Variants in DNAH14 observed in about 807,000 individuals in gnomAD.
DNAH14 encodes dynein axonemal heavy chain 14.
A neutral mutation model predicts 520.9 loss-of-function variants in DNAH14; 478 were observed. The observed-to-expected ratio is 0.92, with a 90% CI of 0.85 to 0.99. The LOEUF is 0.99. DNAH14 is among the 50% of genes least tolerant of loss of function. The pLI is 0.00. For synonymous variants in DNAH14, 1,581 were observed against 1,757.2 expected (o/e 0.90, Z 2.51); for missense variants, 4,831 against 5,234.5 (o/e 0.92, Z 2.38).
At chr1:225,257,922 C>T in intron 44 of DNAH14, 38 bp from the exon 45 acceptor site, 1 of 1,432,180 alleles carries the variant, frequency 7.0e-7, no homozygotes. Flanking sequence ...ATAGTACTTT[C>T]TAGGTCATTT....
intron 81 of DNAH14, among the ~76,000 whole-genome samples, chr1:225,387,188 G>A (rs558703195): frequency 6.6e-6 from 1 of 151,948 alleles, no homozygotes; most frequent in South Asian, 2.1e-4. Flanking sequence ...ACTGAACAAT[G>A]AGAACACTTG....
intron 49 of DNAH14, 53 bp from the exon 50 acceptor site, chr1:225,270,682 C>G: frequency 2.0e-6 from 3 of 1,499,494 alleles, no homozygotes; most frequent in Non-Finnish European, 2.7e-6. Context: ...TAGGTACATA[C>G]TTCACTTCCT....
intron 79 of DNAH14, 91 bp from the exon 80 acceptor site, chr1:225,380,064 CCTGT>C (rs1234869951): frequency 7.6e-7 from 1 of 1,318,516 alleles, no homozygotes; most frequent in Non-Finnish European, 1.0e-6. Flanking sequence ...ACATATTCCT[CCTGT>C]CTACCAGTAA....
At chr1:224,977,150 A>C (rs1435156237) in intron 8 of DNAH14, among the ~76,000 whole-genome samples, 1 of 152,094 alleles carries the variant, frequency 6.6e-6, no homozygotes, top group Non-Finnish European at 1.5e-5. Flanking sequence ...ATGGAATACT[A>C]TGCAGCCATA....
At chr1:225,151,047 C>T (rs764353367) in intron 31 of DNAH14, among the ~76,000 whole-genome samples, 2 of 152,122 alleles carry the variant, frequency 1.3e-5, no homozygotes, top group Non-Finnish European at 2.9e-5. Context: ...GGCCACATAC[C>T]TGAAGAGCCC....
chr1:225,208,252 C>A (rs546914998), intron 41 of DNAH14, among the ~76,000 whole-genome samples: 15 of 151,564 alleles, frequency 9.9e-5, no homozygotes, highest in African/African-American at 3.6e-4. Flanking sequence ...GAAGTGTAAC[C>A]CAGGAAAGTT....
At chr1:225,333,947 C>A (rs1240383147) in intron 66 of DNAH14, among the ~76,000 whole-genome samples, 1 of 152,126 alleles carries the variant, frequency 6.6e-6, no homozygotes, top group Non-Finnish European at 1.5e-5. Flanking sequence ...AAGAGAAATG[C>A]ACCTAGCTTT....
rs1482041705 is a variant in DNAH14, at chr1:225,331,448, T to C, written c.9735T>C (p.His3245=). The C allele has an allele frequency of 1.3e-6, 2 of 1,550,620 alleles. No individual in the cohort carries two copies. The highest frequency in any genetic ancestry group is 1.7e-6 in the Non-Finnish European group (2 of 1,146,582). ...KQRGLQLVEE[H]LLFLQAAYKD... is the part of the protein sequence containing the mutation. ...TAATTATCTTTCAGGTTGAAGAACA[T>C]TTGCTGTTTTTACAGGCAGCTTACA... The change falls in exon 65 of 86, where the codon CAT becomes CAC. Residue 3245 remains histidine, a synonymous_variant. Coordinates refer to ENST00000682510, the MANE Select transcript of DNAH14 (RefSeq NM_001367479.1).
intron 29 of DNAH14, 65 bp from the exon 30 acceptor site, chr1:225,145,261 C>T (rs916462987): frequency 1.5e-5 from 19 of 1,255,374 alleles, no homozygotes; most frequent in Non-Finnish European, 2.0e-5. Flanking sequence ...ATTACTCTAG[C>T]AGTTTTAACA....
At chr1:225,055,626 G>A (rs981048719) in intron 17 of DNAH14, among the ~76,000 whole-genome samples, 1 of 151,906 alleles carries the variant, frequency 6.6e-6, no homozygotes, top group Non-Finnish European at 1.5e-5. Context: ...ATGTTGGTGT[G>A]CTGCACCCAT....
intron 54 of DNAH14, among the ~76,000 whole-genome samples, chr1:225,288,872 A>G (rs1025454569): frequency 1.3e-5 from 2 of 152,162 alleles, no homozygotes; most frequent in Non-Finnish European, 2.9e-5. Flanking sequence ...GGAATGTAAA[A>G]TAGTACAACT....
At chr1:225,395,118 T>C (rs2095988351) in intron 84 of DNAH14, among the ~76,000 whole-genome samples, 1 of 152,156 alleles carries the variant, frequency 6.6e-6, no homozygotes, top group South Asian at 2.1e-4. Flanking sequence ...ATTCCTATAT[T>C]AGGAATTTTT....
chr1:225,285,281 G>C (rs1384389964), intron 54 of DNAH14, among the ~76,000 whole-genome samples: 1 of 152,216 alleles, frequency 6.6e-6, no homozygotes, highest in African/African-American at 2.4e-5. Flanking sequence ...AGGCATGGTG[G>C]CTCATGCCTG....
rs548466526 is a variant in DNAH14, at chr1:225,358,919, C to T, written c.11776+267C>T. ...CACCCTGCAAAGAAGGTGCCTGCTTCTCCTTTGCCTTCTGCCATGATTGTA... is the reference window on the plus strand; with the variant it reads ...CACCCTGCAAAGAAGGTGCCTGCTTTTCCTTTGCCTTCTGCCATGATTGTA... On this transcript the variant is annotated intron_variant, in intron 74 of 85. Transcript: ENST00000682510. 5.9e-5 allele frequency among the ~76,000 whole-genome samples: 9 copies of T among 152,332 alleles called. No individual in the cohort carries two copies. The East Asian group carries it at 1.7e-3, about 29-fold the overall frequency.
intron 5 of DNAH14, among the ~76,000 whole-genome samples, 194 bp downstream of exon 5, chr1:224,964,803 G>A (rs12023087): frequency 0.33 from 50,723 of 151,894 alleles, 10,099 homozygotes; most frequent in East Asian, 0.54. Flanking sequence ...AATAGATAAA[G>A]CATATAAACT....
intron 43 of DNAH14, among the ~76,000 whole-genome samples, chr1:225,249,916 G>A (rs2092468245): frequency 6.6e-6 from 1 of 152,128 alleles, no homozygotes; most frequent in Non-Finnish European, 1.5e-5. Flanking sequence ...TTTATCAGTA[G>A]TTAATTTGCT....
At chr1:225,210,663 A>G (rs1422693908) in intron 41 of DNAH14, among the ~76,000 whole-genome samples, 2 of 152,196 alleles carry the variant, frequency 1.3e-5, no homozygotes, top group Non-Finnish European at 2.9e-5. Flanking sequence ...GCTAAAGGAC[A>G]GACTGCCTCA....
chr1:225,157,398 ACGC>A (rs2081148108), intron 34 of DNAH14, among the ~76,000 whole-genome samples: 1 of 152,200 alleles, frequency 6.6e-6, no homozygotes, highest in South Asian at 2.1e-4. Context: ...TAGCTATCTT[ACGC>A]TTAAATTTTA....
chr1:225,205,573 A>C (rs2149420671), intron 39 of DNAH14, among the ~76,000 whole-genome samples: 1 of 152,328 alleles, frequency 6.6e-6, no homozygotes, highest in South Asian at 2.1e-4. Context: ...ACTCTGTTTG[A>C]TTATTTCTTC....
Sources: allele counts gnomAD v4.1 joint callset (sites outside exome capture counted in the v4.1 genomes callset), GRCh38; gene constraint gnomAD v4.1.1; transcripts MANE v1.5; gene names NCBI Gene and HGNC (gene_info 2026-07-23, HGNC 2026-07-21).